Variants in CEMIP2 observed in about 807,000 individuals in gnomAD.
CEMIP2 encodes the protein cell surface hyaluronidase CEMIP2.
A neutral mutation model predicts 146.9 loss-of-function variants in CEMIP2; 79 were observed. The observed-to-expected ratio is 0.54, with a 90% CI of 0.45 to 0.65. The LOEUF (loss-of-function observed/expected upper bound fraction) is 0.65, where lower values mean the gene tolerates loss of function less well. CEMIP2 is among the 30% of genes least tolerant of loss of function. The pLI is 0.00. For missense variants in CEMIP2, 1,596 were observed against 1,696.2 expected, an observed-to-expected ratio of 0.94 and a Z score of 1.04; for synonymous variants, 601 against 606.3, an observed-to-expected ratio of 0.99 and a Z score of 0.13.
chr9:71,732,917 C>CCA (rs1823662617), intron 6 of CEMIP2, among the ~76,000 whole-genome samples: 1 of 151,882 alleles, frequency 6.6e-6, no homozygotes, highest in South Asian at 2.1e-4. Context: ...ATTCTCAAAC[C>CCA]CACACACTGA....
chr9:71,726,859 C>T (rs1029673656), intron 10 of CEMIP2, among the ~76,000 whole-genome samples: 60 of 152,122 alleles, frequency 3.9e-4, no homozygotes, highest in African/African-American at 1.4e-3. Flanking sequence ...AACTCCATAC[C>T]ATAACCCATA....
intron 1 of CEMIP2, among the ~76,000 whole-genome samples, chr9:71,764,519 T>G (rs1824730328): frequency 6.6e-6 from 1 of 152,166 alleles, no homozygotes; most frequent in Non-Finnish European, 1.5e-5. Context: ...ATTTAGCCTC[T>G]CTGGGTCCCA....
At chr9:71,763,616 T>C (rs887017878) in intron 1 of CEMIP2, among the ~76,000 whole-genome samples, 6 of 152,228 alleles carry the variant, frequency 3.9e-5, no homozygotes, top group Non-Finnish European at 8.8e-5. Flanking sequence ...TACTTATTGT[T>C]CAAACTACAA....
At chr9:71,728,225 C>CTATATATA (rs1377513489) in intron 10 of CEMIP2, among the ~76,000 whole-genome samples, 1 of 19,912 alleles carries the variant, frequency 5.0e-5, no homozygotes, top group Non-Finnish European at 1.1e-4. Flanking sequence ...CTCTCTCTCT[C>CTATATATA]TCTCTCTATA....
intron 1 of CEMIP2, among the ~76,000 whole-genome samples, chr9:71,754,032 G>C (rs1824338828): frequency 6.6e-6 from 1 of 152,116 alleles, no homozygotes; most frequent in Non-Finnish European, 1.5e-5. Context: ...CTTGGACACA[G>C]GGCAGGGAAC....
chr9:71,754,077 G>A (rs1326176594), intron 1 of CEMIP2, among the ~76,000 whole-genome samples: 3 of 152,118 alleles, frequency 2.0e-5, no homozygotes, highest in Admixed American at 2.0e-4. Context: ...GTGGAGGGCT[G>A]GGAGAGGGAT....
chr9:71,693,887 G>A (rs542284074), intron 21 of CEMIP2, among the ~76,000 whole-genome samples: 2 of 152,298 alleles, frequency 1.3e-5, no homozygotes, highest in African/African-American at 4.8e-5. Context: ...TCTTTGGGAA[G>A]TGATCAGGAC....
At chr9:71,693,776 G>A (rs1822303236) in intron 21 of CEMIP2, among the ~76,000 whole-genome samples, 1 of 152,226 alleles carries the variant, frequency 6.6e-6, no homozygotes, top group Non-Finnish European at 1.5e-5. Context: ...GCAAGAAGCT[G>A]TGACGGTGTA....
At chr9:71,703,521 G>A (rs762911996) in intron 18 of CEMIP2, among the ~76,000 whole-genome samples, 2 of 152,170 alleles carry the variant, frequency 1.3e-5, no homozygotes, top group Non-Finnish European at 2.9e-5. Context: ...ATTTCAACTG[G>A]ATGTTTTAAG....
chr9:71,745,561 T>C lies in CEMIP2; in HGVS notation c.491A>G (p.Asp164Gly), dbSNP rs146439095. The C allele has an allele frequency of 3.4e-5, 55 of 1,606,644 alleles. No individual in the cohort carries two copies. The highest frequency in any genetic ancestry group is 4.3e-5 in the Non-Finnish European group (51 of 1,177,614). The change falls in exon 4 of 24, where the codon GAC becomes GGC. Residue 164 changes from aspartate to glycine, a missense_variant. Physicochemically the swap from Asp to Gly is moderately conservative, Grantham distance 94. Coordinates refer to ENST00000377044, the MANE Select transcript of CEMIP2 (RefSeq NM_013390.3). ...AATATTTCTGGATCCATCTTTATTG[T>C]CCCCAAATACAAGCAGTCCTGCAGG... The part of the protein sequence containing the change: ...IQDGGLLVFG[D>G]NKDGSRNITL...
At chr9:71,730,574 T>A (rs1194055167) in intron 8 of CEMIP2, 131 bp downstream of exon 8, 1 of 926,932 alleles carries the variant, frequency 1.1e-6, no homozygotes, top group Non-Finnish European at 1.6e-6. Flanking sequence ...AATCGTGGAA[T>A]GCTCAGAAAA....
chr9:71,685,938 A>G, intron 22 of CEMIP2, 92 bp from the exon 23 acceptor site: 1 of 859,722 alleles, frequency 1.2e-6, no homozygotes, highest in Non-Finnish European at 1.9e-6. Flanking sequence ...ACTGCTGAAT[A>G]GAAATATTAG....
At chr9:71,763,367 CA>C (rs1277691136) in intron 1 of CEMIP2, among the ~76,000 whole-genome samples, 2 of 152,112 alleles carry the variant, frequency 1.3e-5, no homozygotes, top group Non-Finnish European at 2.9e-5. Flanking sequence ...ACCACGATAT[CA>C]AATTTATAGT....
At chr9:71,688,049 G>T (rs986807805) in intron 22 of CEMIP2, among the ~76,000 whole-genome samples, 1 of 152,070 alleles carries the variant, frequency 6.6e-6, no homozygotes, top group Non-Finnish European at 1.5e-5. Flanking sequence ...TAGAGACAGG[G>T]TCTCATTACA....
chr9:71,686,084 C>G (rs1001381787), intron 22 of CEMIP2: 4 of 443,548 alleles, frequency 9.0e-6, no homozygotes, highest in African/African-American at 8.0e-5. Context: ...CATTTACGTA[C>G]GTTCACCTAG....
At chr9:71,752,675 C>T (rs1233491494) in intron 1 of CEMIP2, among the ~76,000 whole-genome samples, 1 of 152,004 alleles carries the variant, frequency 6.6e-6, no homozygotes, top group African/African-American at 2.4e-5. Context: ...TAATCCCCTT[C>T]ATCTTCTGCC....
intron 21 of CEMIP2, among the ~76,000 whole-genome samples, chr9:71,693,668 A>G (rs1305217765): frequency 6.6e-6 from 1 of 152,218 alleles, no homozygotes; most frequent in Non-Finnish European, 1.5e-5. Flanking sequence ...AGTTATTTAT[A>G]CCTCTATTGT....
At chr9:71,728,291 A>ATATATATATATATATATG (rs1823497873) in intron 10 of CEMIP2, among the ~76,000 whole-genome samples, 1 of 17,382 alleles carries the variant, frequency 5.8e-5, no homozygotes, top group African/African-American at 1.1e-4. Flanking sequence ...GTATATATAT[A>ATATATATATATATATATG]TATATATATA....
At chr9:71,740,370 C>T (rs1823879749) in intron 4 of CEMIP2, 138 bp from the exon 5 acceptor site, 1 of 1,022,240 alleles carries the variant, frequency 9.8e-7, no homozygotes, top group Non-Finnish European at 1.4e-6. Context: ...CTATATGAGG[C>T]TGCAGTTCCA....
Sources: allele counts gnomAD v4.1 joint callset (sites outside exome capture counted in the v4.1 genomes callset), GRCh38; gene constraint gnomAD v4.1.1; transcripts MANE v1.5; gene names NCBI Gene and HGNC (gene_info 2026-07-23, HGNC 2026-07-21).